Variants in IL1RAPL2 observed in about 807,000 individuals in gnomAD.
The protein encoded by IL1RAPL2 is X-linked interleukin-1 receptor accessory protein-like 2.
A neutral mutation model predicts 44.1 loss-of-function variants in IL1RAPL2; 3 were observed. The observed-to-expected ratio is 0.07, with a 90% CI of 0.03 to 0.18. The LOEUF (loss-of-function observed/expected upper bound fraction) is 0.18. IL1RAPL2 is among the 10% of genes least tolerant of loss of function. The pLI, the probability that IL1RAPL2 is intolerant of heterozygous loss-of-function variation, is 1.00. For missense variants in IL1RAPL2, 391 were observed against 496.4 expected (o/e 0.79, Z 2.02); for synonymous variants, 181 against 178.8 (o/e 1.01, Z -0.10).
At chrX:105,144,875 C>A (rs1433419841) in intron 2 of IL1RAPL2, among the ~76,000 whole-genome samples, 2 of 110,929 alleles carry the variant, frequency 1.8e-5, no homozygotes, top group Non-Finnish European at 3.8e-5. Context: ...TATCCACACA[C>A]CCTCTTCACC....
At chrX:105,270,399 G>A (rs1038261876) in intron 5 of IL1RAPL2, among the ~76,000 whole-genome samples, 1 of 111,614 alleles carries the variant, frequency 9.0e-6, no homozygotes, top group Admixed American at 9.6e-5. Context: ...ATGTGTCAAG[G>A]TAGTGTGTGG....
At chrX:105,551,057 G>C (rs2036849704) in intron 6 of IL1RAPL2, among the ~76,000 whole-genome samples, 1 of 110,795 alleles carries the variant, frequency 9.0e-6, no homozygotes, top group African/African-American at 3.3e-5. Context: ...GTGGCATGCT[G>C]TCCAGGTTTT....
chrX:105,392,358 C>A (rs2035532111), intron 5 of IL1RAPL2, among the ~76,000 whole-genome samples: 1 of 109,751 alleles, frequency 9.1e-6, no homozygotes, highest in Admixed American at 9.8e-5. Context: ...GTTACTCTTC[C>A]CTCCTAAGCA....
At chrX:104,896,986 A>G (rs1923670306) in intron 2 of IL1RAPL2, among the ~76,000 whole-genome samples, 1 of 111,648 alleles carries the variant, frequency 9.0e-6, no homozygotes, top group East Asian at 2.8e-4. Flanking sequence ...AGAAGGAAGA[A>G]ACTGGACACA....
chrX:104,742,816 G>A (rs1177773045), intron 2 of IL1RAPL2, among the ~76,000 whole-genome samples: 1 of 111,460 alleles, frequency 9.0e-6, no homozygotes, highest in East Asian at 2.8e-4. Flanking sequence ...CAGAAAGAAG[G>A]AAAAACTCCA....
chrX:104,837,415 C>T (rs756003636), intron 2 of IL1RAPL2, among the ~76,000 whole-genome samples: 6 of 111,556 alleles, frequency 5.4e-5, no homozygotes, highest in Non-Finnish European at 9.4e-5. Context: ...TTAATGATCA[C>T]CATTCTGACT....
intron 5 of IL1RAPL2, among the ~76,000 whole-genome samples, chrX:105,272,996 G>GA (rs1250551828): frequency 9.0e-6 from 1 of 110,919 alleles, no homozygotes; most frequent in Non-Finnish European, 1.9e-5. Flanking sequence ...GGTGAGTTTA[G>GA]AAAAAAACAG....
chrX:104,651,363 T>C (rs1281391037), intron 1 of IL1RAPL2, among the ~76,000 whole-genome samples: 1 of 112,008 alleles, frequency 8.9e-6, no homozygotes, highest in African/African-American at 3.2e-5. Context: ...ATTTTCCACA[T>C]AAAATATCTC....
intron 2 of IL1RAPL2, among the ~76,000 whole-genome samples, chrX:104,723,791 A>G (rs1040675385): frequency 2.7e-5 from 3 of 111,188 alleles, no homozygotes; most frequent in Admixed American, 9.6e-5. Context: ...GTAGCAAAAA[A>G]TTGGTTCTGA....
intron 2 of IL1RAPL2, among the ~76,000 whole-genome samples, chrX:104,942,680 C>A (rs1925217346): frequency 9.0e-6 from 1 of 111,258 alleles, no homozygotes; most frequent in Non-Finnish European, 1.9e-5. Context: ...ATTGAATACC[C>A]TTTATTTCCT....
intron 7 of IL1RAPL2, among the ~76,000 whole-genome samples, chrX:105,718,083 A>G (rs1405855727): frequency 1.8e-5 from 2 of 111,869 alleles, no homozygotes; most frequent in African/African-American, 6.5e-5. Context: ...TCTATTTAGT[A>G]CTTTCTCATT....
intron 5 of IL1RAPL2, among the ~76,000 whole-genome samples, chrX:105,296,298 C>T (rs754346112): frequency 9.0e-6 from 1 of 111,461 alleles, no homozygotes; most frequent in East Asian, 2.8e-4. Flanking sequence ...CCCTTGTCAT[C>T]CTTTAAGGCC....
At position 105,385,126 on chromosome X, in the gene IL1RAPL2, G is replaced by A. The variant is rs189614133; in HGVS notation, c.698-99187G>A. Among the ~76,000 whole-genome samples, 528 of 110,689 alleles carry A rather than the reference G, an allele frequency of 4.8e-3. 5 individuals carry two copies. The highest frequency in any genetic ancestry group is 0.016 in the African/African-American group (500 of 30,481). On this transcript the variant is annotated intron_variant, in intron 5 of 10. Transcript: ENST00000372582. ...TTCTATTTTCTAATTGGTCTGGCTTGGACTTCTATAGCTATGTTGAATAAA... is the reference window on the plus strand; with the variant it reads ...TTCTATTTTCTAATTGGTCTGGCTTAGACTTCTATAGCTATGTTGAATAAA...
intron 2 of IL1RAPL2, among the ~76,000 whole-genome samples, chrX:104,838,847 C>CTTTTTTTTT (rs3086025): frequency 3.9e-4 from 14 of 36,289 alleles, no homozygotes; most frequent in Admixed American, 6.7e-4. Context: ...TTCTTTCTTT[C>CTTTTTTTTT]TTTTTTTTTT....
chrX:105,539,781 G>A (rs1436786609), intron 6 of IL1RAPL2, among the ~76,000 whole-genome samples: 1 of 111,575 alleles, frequency 9.0e-6, no homozygotes. Context: ...CTCTGAAAAA[G>A]TTCTAATATC....
intron 2 of IL1RAPL2, among the ~76,000 whole-genome samples, chrX:105,001,716 G>C (rs1347901497): frequency 8.1e-5 from 9 of 111,097 alleles, no homozygotes; most frequent in Non-Finnish European, 1.3e-4. Context: ...AAACTTCATG[G>C]GTAAATTGGG....
At chrX:105,204,497 A>G (rs1226126709) in intron 3 of IL1RAPL2, among the ~76,000 whole-genome samples, 2 of 111,942 alleles carry the variant, frequency 1.8e-5, no homozygotes, top group African/African-American at 6.5e-5. Context: ...GAAAATATCC[A>G]TTCAATGCTT....
At chrX:105,173,345 G>A (rs144191850) in intron 2 of IL1RAPL2, among the ~76,000 whole-genome samples, 1,905 of 112,041 alleles carry the variant, frequency 0.017, 42 homozygotes, top group African/African-American at 0.057. Context: ...AGAGCCAGGA[G>A]CAATGCGGAA....
chrX:105,631,619 T>C (rs11798133), intron 6 of IL1RAPL2, among the ~76,000 whole-genome samples: 37,870 of 111,022 alleles, frequency 0.34, 4,740 homozygotes, highest in Middle Eastern at 0.41. Context: ...TGTAGCCTCT[T>C]TATAAAAGGC....
Sources: gnomAD v4.1 joint callset for allele counts (sites outside exome capture counted in the v4.1 genomes callset) on GRCh38, gnomAD v4.1.1 for gene constraint, MANE v1.5 for transcripts, NCBI Gene and HGNC (gene_info 2026-07-23, HGNC 2026-07-21) for gene names.